Variants in SHISA9 observed in about 807,000 individuals in gnomAD.
The protein encoded by SHISA9 is shisa family member 9.
SHISA9 carries 13 observed loss-of-function variants against 38.0 expected under a neutral mutation model. The ratio of observed to expected loss-of-function variants is 0.34; its 90% CI spans 0.22 to 0.54. The LOEUF is 0.54. Ranked by LOEUF, SHISA9 falls within the 20% of genes least tolerant of loss-of-function variation. The pLI is 0.91. For missense variants in SHISA9, 538 were observed against 575.8 expected, an observed-to-expected ratio of 0.93 and a Z score of 0.67; for synonymous variants, 275 against 242.0, an observed-to-expected ratio of 1.14 and a Z score of -1.27.
At chr16:13,009,909 G>T (rs898440036) in intron 2 of SHISA9, among the ~76,000 whole-genome samples, 1 of 152,204 alleles carries the variant, frequency 6.6e-6, no homozygotes, top group Non-Finnish European at 1.5e-5. Context: ...AGGCATAGTG[G>T]CTCACACTTG....
chr16:13,333,793 G>A, the SHISA9 span, among the ~76,000 whole-genome samples: 11 of 152,154 alleles, frequency 7.2e-5, no homozygotes, highest in African/African-American at 2.7e-4. Flanking sequence ...AAGGGAGGGG[G>A]AAGTTGGGGA....
At chr16:13,449,392 T>A in the SHISA9 span, among the ~76,000 whole-genome samples, 1 of 152,218 alleles carries the variant, frequency 6.6e-6, no homozygotes, top group South Asian at 2.1e-4. Context: ...TAGAAAAGTG[T>A]TACTTTAAAA....
intron 2 of SHISA9, among the ~76,000 whole-genome samples, chr16:13,133,238 T>C (rs1433622627): frequency 6.6e-6 from 1 of 152,214 alleles, no homozygotes; most frequent in African/African-American, 2.4e-5. Context: ...GGGATTTTCA[T>C]TGATGTGGAG....
chr16:13,515,694 C>G, the SHISA9 span, among the ~76,000 whole-genome samples: 1 of 150,650 alleles, frequency 6.6e-6, no homozygotes, highest in South Asian at 2.1e-4. Flanking sequence ...ATCTTCTTCC[C>G]TGTAGTACTT....
chr16:13,379,040 C>T, the SHISA9 span, among the ~76,000 whole-genome samples: 2 of 152,156 alleles, frequency 1.3e-5, no homozygotes, highest in Non-Finnish European at 2.9e-5. Context: ...TCTCCTTCAT[C>T]ACTCAATTCC....
At chr16:13,260,801 A>T in the SHISA9 span, among the ~76,000 whole-genome samples, 1 of 152,080 alleles carries the variant, frequency 6.6e-6, no homozygotes, top group Admixed American at 6.5e-5. Context: ...CTTTACTGGT[A>T]CCAATTTACT....
the SHISA9 span, among the ~76,000 whole-genome samples, chr16:13,353,258 G>T: frequency 6.6e-6 from 1 of 152,206 alleles, no homozygotes; most frequent in South Asian, 2.1e-4. Context: ...GATTGGTGAT[G>T]GCCTGGATAC....
At chr16:13,295,623 C>A in the SHISA9 span, among the ~76,000 whole-genome samples, 1 of 152,076 alleles carries the variant, frequency 6.6e-6, no homozygotes, top group African/African-American at 2.4e-5. Flanking sequence ...GTCTTTTCAC[C>A]TCGGGGGGTT....
At chr16:13,261,725 G>T in the SHISA9 span, among the ~76,000 whole-genome samples, 1 of 152,188 alleles carries the variant, frequency 6.6e-6, no homozygotes, top group African/African-American at 2.4e-5. Context: ...AATGCCATGT[G>T]CTGAGGGTAC....
At chr16:13,526,359 C>T in the SHISA9 span, among the ~76,000 whole-genome samples, 1 of 152,112 alleles carries the variant, frequency 6.6e-6, no homozygotes, top group Non-Finnish European at 1.5e-5. Context: ...GGAATTGGCT[C>T]AGGTCCTCAG....
At chr16:13,468,070 GTTC>G in the SHISA9 span, among the ~76,000 whole-genome samples, 1 of 152,080 alleles carries the variant, frequency 6.6e-6, no homozygotes, top group African/African-American at 2.4e-5. Context: ...TATTCTTCCT[GTTC>G]TTCTGTCAGA....
At chr16:13,319,344 C>T in the SHISA9 span, among the ~76,000 whole-genome samples, 1 of 152,166 alleles carries the variant, frequency 6.6e-6, no homozygotes, top group Admixed American at 6.5e-5. Context: ...ATCTCAACCG[C>T]TTGGCGAGAA....
the SHISA9 span, among the ~76,000 whole-genome samples, chr16:13,419,845 G>T: frequency 6.6e-6 from 1 of 152,152 alleles, no homozygotes; most frequent in Non-Finnish European, 1.5e-5. Context: ...TTTGGCCCAT[G>T]AACCATATAG....
intron 2 of SHISA9, among the ~76,000 whole-genome samples, chr16:12,931,292 T>C (rs553390745): frequency 1.3e-5 from 2 of 152,272 alleles, no homozygotes; most frequent in Admixed American, 1.3e-4. Context: ...ATTTCAGCTT[T>C]CATTTTAGAT....
At chr16:13,050,219 A>G (rs529943248) in intron 2 of SHISA9, among the ~76,000 whole-genome samples, 1 of 152,210 alleles carries the variant, frequency 6.6e-6, no homozygotes, top group South Asian at 2.1e-4. Context: ...ACATCTGTTG[A>G]TGTAGAACAG....
the SHISA9 span, among the ~76,000 whole-genome samples, chr16:13,264,188 T>G: frequency 6.6e-6 from 1 of 151,406 alleles, no homozygotes; most frequent in Non-Finnish European, 1.5e-5. Flanking sequence ...TTTTTTTTTT[T>G]TCCTGAGACT....
intron 2 of SHISA9, among the ~76,000 whole-genome samples, chr16:12,937,245 T>C (rs755653350): frequency 4.6e-5 from 7 of 152,162 alleles, no homozygotes; most frequent in Non-Finnish European, 8.8e-5. Flanking sequence ...TTAACGTATT[T>C]ATCTATTTGA....
intron 2 of SHISA9, among the ~76,000 whole-genome samples, chr16:12,989,541 A>G (rs2072357149): frequency 6.6e-6 from 1 of 152,006 alleles, no homozygotes. Context: ...TCAGCCATTG[A>G]CATGGGTGCA....
intron 2 of SHISA9, among the ~76,000 whole-genome samples, chr16:13,033,857 T>A (rs1973484): frequency 4.0e-4 from 61 of 152,192 alleles, no homozygotes; most frequent in African/African-American, 1.2e-3. Flanking sequence ...TTAAGATACC[T>A]CCATGTGGCT....
Sources: allele counts gnomAD v4.1 joint callset (sites outside exome capture counted in the v4.1 genomes callset), GRCh38; gene constraint gnomAD v4.1.1; transcripts MANE v1.5; gene names NCBI Gene and HGNC (gene_info 2026-07-23, HGNC 2026-07-21).